HCFC2: variants seen among roughly 807,000 people sequenced by gnomAD.
HCFC2 encodes host cell factor C2.
A neutral mutation model predicts 89.2 loss-of-function variants in HCFC2; 18 were observed. The ratio of observed to expected loss-of-function variants is 0.20; its 90% CI spans 0.14 to 0.30. The LOEUF (loss-of-function observed/expected upper bound fraction) is 0.30, where lower values mean the gene tolerates loss of function less well. HCFC2 is among the 10% of genes least tolerant of loss of function. The pLI is 1.00. For missense variants in HCFC2, 578 were observed against 956.1 expected (o/e 0.60, Z 5.21); for synonymous variants, 308 against 335.7 (o/e 0.92, Z 0.90).
rs1363817073 is a variant in HCFC2, at chr12:104,104,642, G to A, written c.*1369G>A. 1 of 151,852 alleles carries A rather than the reference G, an allele frequency of 6.6e-6. No individual in the cohort carries two copies. Among genetic ancestry groups the A allele is most frequent in the Non-Finnish European group, 1.5e-5 (1 of 67,848 alleles). 9.4% of individuals were successfully genotyped at this position (151,852 alleles called of 1,614,324 possible). The stretch of plus-strand genomic sequence containing the variant: ...AAGATGGATTTAATTGTGCAGAATT[G>A]ATATATATGTGTGTTCCAGTTACTA... On this transcript the variant is annotated 3_prime_UTR_variant, in exon 15 of 15. Transcript: ENST00000229330.
intron 10 of HCFC2, among the ~76,000 whole-genome samples, chr12:104,094,662 T>A (rs1347652772): frequency 6.6e-6 from 1 of 152,166 alleles, no homozygotes; most frequent in African/African-American, 2.4e-5. Context: ...ATTAAAGTAG[T>A]GTGCTAGAAA....
intron 13 of HCFC2, among the ~76,000 whole-genome samples, chr12:104,099,262 C>T (rs182195011): frequency 6.6e-6 from 1 of 152,242 alleles, no homozygotes; most frequent in Non-Finnish European, 1.5e-5. Context: ...TGGTGCTAAA[C>T]CATTCATGAG....
In HCFC2 at chr12:104,098,421, A is replaced by C; in HGVS notation, c.1819A>C (p.Asn607His). ...QWCDVGIFKN[N>H]TALVSQFYLL... ...GTGTGATGTGGGAATTTTTAAAAAT[A>C]ATACAGCTTTGGTGAGCCAGTTTTA... Residue 607 changes from asparagine (N) to histidine (H), a missense_variant, in exon 13 of 15, where the codon AAT becomes CAT. Physicochemically the swap from Asn to His is moderately conservative, Grantham distance 68. Coordinates refer to ENST00000229330, the MANE Select transcript of HCFC2 (RefSeq NM_013320.3). 1 of 1,612,836 alleles carries C rather than the reference A, an allele frequency of 6.2e-7. No homozygotes were observed. The highest frequency in any genetic ancestry group is 8.5e-7 in the Non-Finnish European group (1 of 1,179,458).
At chr12:104,093,337 T>C (rs1460977528) in intron 9 of HCFC2, 49 bp from the exon 10 acceptor site, 1 of 1,301,198 alleles carries the variant, frequency 7.7e-7, no homozygotes, top group Non-Finnish European at 1.0e-6. Flanking sequence ...CATGTATTTG[T>C]ATTTCATTGA....
At chr12:104,080,573 TTC>T (rs1883654962) in intron 4 of HCFC2, 171 bp from the exon 5 acceptor site, 2 of 435,288 alleles carry the variant, frequency 4.6e-6, no homozygotes, top group South Asian at 5.9e-5. Context: ...GTAAATAAAT[TTC>T]TGATTGGCAG....
intron 3 of HCFC2, among the ~76,000 whole-genome samples, chr12:104,072,365 G>A (rs548447732): frequency 7.7e-6 from 1 of 130,204 alleles, no homozygotes; most frequent in Non-Finnish European, 1.6e-5. Flanking sequence ...GAACAAGACT[G>A]TTTAAAAAAA....
chr12:104,087,095 C>T (rs1269379607), intron 8 of HCFC2, 81 bp downstream of exon 8: 10 of 1,361,504 alleles, frequency 7.3e-6, no homozygotes, highest in Non-Finnish European at 1.0e-5. Flanking sequence ...TGGCTCACGC[C>T]TGTAATCCCA....
chr12:104,081,046 A>G (rs1883667344), intron 5 of HCFC2, among the ~76,000 whole-genome samples: 1 of 152,196 alleles, frequency 6.6e-6, no homozygotes, highest in African/African-American at 2.4e-5. Context: ...TGCATTCCTT[A>G]TAATGCCCTG....
chr12:104,099,237 A>C (rs987701574), intron 13 of HCFC2, among the ~76,000 whole-genome samples: 1 of 152,016 alleles, frequency 6.6e-6, no homozygotes, highest in Admixed American at 6.5e-5. Context: ...CTCACTATAC[A>C]ATACTAAGGG....
At position 104,096,259 on chromosome 12, in the gene HCFC2, T is replaced by C. The variant is rs1469881285; in HGVS notation, c.1667-101T>C. 48 of 732,906 alleles carry C rather than the reference T, an allele frequency of 6.5e-5. No individual in the cohort carries two copies. The East Asian group carries it at 1.3e-3, about 20-fold the overall frequency. The allele number at this position is 732,906 out of a possible 1,614,324, so 45.4% of individuals were successfully genotyped here. A position where few individuals can be genotyped will look rare whatever the true frequency, so the allele number is the denominator to read the frequency against. On this transcript the variant is annotated intron_variant, in intron 11 of 14. Transcript: ENST00000229330. ...TAAAATTTGCTGTCTTAGCCATTTT[T>C]AAGTTTACAGTTGGTGGCATTAAAT...
At chr12:104,093,994 T>G (rs1232741137) in intron 10 of HCFC2, among the ~76,000 whole-genome samples, 1 of 152,142 alleles carries the variant, frequency 6.6e-6, no homozygotes, top group African/African-American at 2.4e-5. Context: ...TCTATTAGAC[T>G]TGACAACTGG....
In HCFC2 at chr12:104,064,733, G is replaced by A; in HGVS notation, c.163+10G>A. ...CACGTCTACAACACGGGTAGGCGCG[G>A]CGGCGGCTCGTCGGCCCCGCCTGCT... On this transcript the variant is annotated intron_variant, in intron 1 of 14. Coordinates refer to ENST00000229330, the MANE Select transcript of HCFC2 (RefSeq NM_013320.3). The surrounding 1 kb of genome is among the most constrained non-coding windows in gnomAD (Gnocchi z 7.3). The A allele has an allele frequency of 6.5e-7, 1 of 1,548,076 alleles. No individual in the cohort carries two copies.
chr12:104,104,799 A>G lies in HCFC2; in HGVS notation c.*1526A>G, dbSNP rs2030045094. On this transcript the variant is annotated 3_prime_UTR_variant, in exon 15 of 15. Coordinates refer to ENST00000229330, the MANE Select transcript of HCFC2 (RefSeq NM_013320.3). ...AGAAAATATGCAAATTGTTAGACAC[A>G]TAATGAGTGGTTTCCAAACTCTAAA... 6.6e-6 allele frequency: 1 copy of G among 152,098 alleles called. No individual in the cohort carries two copies. Among genetic ancestry groups the G allele is most frequent in the African/African-American group, 2.4e-5 (1 of 41,454 alleles). The allele number at this position is 152,098 out of a possible 1,614,324, so 9.4% of individuals were successfully genotyped here.
chr12:104,067,460 C>G (rs895040241), intron 2 of HCFC2, among the ~76,000 whole-genome samples: 4 of 152,160 alleles, frequency 2.6e-5, no homozygotes, highest in Admixed American at 2.0e-4. Flanking sequence ...GTGGTTATAC[C>G]TATTTACAAG....
In HCFC2 at chr12:104,093,611, G is replaced by A. The variant is rs764179293; in HGVS notation, c.1462+48G>A. 57 of 1,451,024 alleles carry A rather than the reference G, an allele frequency of 3.9e-5. No individual in the cohort carries two copies. In the South Asian group the frequency reaches 6.5e-4, roughly 16 times the overall value. 89.9% of individuals were successfully genotyped at this position (1,451,024 alleles called of 1,614,324 possible). Reference sequence around the variant, plus strand: ...TAAAGCTTTTTATAAAATCGGTGGGGAATTTAATAGTCATTGAAAAAGTAA... The same window carrying A: ...TAAAGCTTTTTATAAAATCGGTGGGAAATTTAATAGTCATTGAAAAAGTAA... On this transcript the variant is annotated intron_variant, in intron 10 of 14. Coordinates refer to ENST00000229330, the MANE Select transcript of HCFC2 (RefSeq NM_013320.3).
chr12:104,102,204 C>T (rs773999975), intron 14 of HCFC2, 51 bp downstream of exon 14: 1 of 1,484,680 alleles, frequency 6.7e-7, no homozygotes, highest in South Asian at 1.3e-5. Context: ...TTTGAAATTT[C>T]ACATGTGAAG....
At position 104,093,465 on chromosome 12, in the gene HCFC2, A is replaced by C. The variant is rs1382989999; in HGVS notation, c.1364A>C (p.Lys455Thr). Residue 455 changes from lysine to threonine, a missense_variant, in exon 10 of 15, where the codon AAA (lysine) becomes ACA (threonine). Physicochemically the swap from Lys to Thr is moderately conservative, Grantham distance 78. This residue lies in a region of HCFC2 where 210 missense variants were observed against 251.7 expected (regional missense o/e 0.83). Transcript: ENST00000229330. ...TCAATGAAAAACAAACCAGACTTTA[A>C]AGCACTGACGGATTCTAATGCCATT... ...ETSMKNKPDF[K>T]ALTDSNAILY... 7 of 1,613,388 alleles carry C rather than the reference A, an allele frequency of 4.3e-6. No individual in the cohort carries two copies. In the Admixed American group the frequency reaches 6.7e-5, roughly 15 times the overall value.
chr12:104,088,118 T>C, intron 9 of HCFC2, 80 bp downstream of exon 9: 1 of 947,928 alleles, frequency 1.1e-6, no homozygotes, highest in Non-Finnish European at 1.6e-6. Flanking sequence ...AGCATACTAC[T>C]ACTCTAGAAG....
chr12:104,091,372 T>C (rs555837143), intron 9 of HCFC2, among the ~76,000 whole-genome samples: 20 of 152,336 alleles, frequency 1.3e-4, no homozygotes, highest in African/African-American at 4.8e-4. Context: ...CTGACTGCAC[T>C]GGGCCCTGGG....
Sources: allele counts gnomAD v4.1 joint callset (sites outside exome capture counted in the v4.1 genomes callset), GRCh38; gene constraint gnomAD v4.1.1; regional missense constraint gnomAD v4.1.1; non-coding constraint Gnocchi (gnomAD v3.1); transcripts MANE v1.5; gene names NCBI Gene and HGNC (gene_info 2026-07-23, HGNC 2026-07-21).